Variants in ITGB5 observed in about 807,000 individuals in gnomAD.
ITGB5 encodes the protein integrin subunit beta 5, also known as integrin beta-5.
A neutral mutation model predicts 84.8 loss-of-function variants in ITGB5; 38 were observed. The ratio of observed to expected loss-of-function variants is 0.45; its 90% CI spans 0.35 to 0.59. The LOEUF is 0.59. Ranked by LOEUF, ITGB5 falls within the 20% of genes least tolerant of loss-of-function variation. ITGB5 has a pLI of 0.01. For synonymous variants in ITGB5, 393 were observed against 414.4 expected, an observed-to-expected ratio of 0.95 and a Z score of 0.63; for missense variants, 905 against 1,034.5, an observed-to-expected ratio of 0.87 and a Z score of 1.72.
upstream of ITGB5, among the ~76,000 whole-genome samples, chr3:124,891,449 A>T (rs1449516704): frequency 6.6e-6 from 1 of 151,942 alleles, no homozygotes; most frequent in Non-Finnish European, 1.5e-5. Context: ...GGAGGCTGGG[A>T]TGGGACGATT....
chr3:124,802,936 A>G (rs1477690922), intron 9 of ITGB5, among the ~76,000 whole-genome samples: 1 of 151,900 alleles, frequency 6.6e-6, no homozygotes, highest in African/African-American at 2.4e-5. Context: ...GACAGTGAGT[A>G]GAAACAAAGG....
rs527320319 is a variant in ITGB5, at chr3:124,822,922, G to A, written c.781-1448C>T. ...GAGGAGGAGGGAGAGGCTTCCCAGCGCAGACGAAACTTAAACTGAGCTGGA... is the reference window on the plus strand; with the variant it reads ...GAGGAGGAGGGAGAGGCTTCCCAGCACAGACGAAACTTAAACTGAGCTGGA... On this transcript the variant is annotated intron_variant, in intron 5 of 14. Coordinates refer to ENST00000296181, the MANE Select transcript of ITGB5 (RefSeq NM_002213.5). Among the ~76,000 whole-genome samples the A allele has an allele frequency of 5.3e-5, 8 of 152,194 alleles. No homozygotes were observed. In the South Asian group the frequency reaches 6.2e-4, roughly 12 times the overall value.
intron 5 of ITGB5, 113 bp downstream of exon 5, chr3:124,841,270 G>A (rs974448507): frequency 6.0e-6 from 6 of 992,392 alleles, no homozygotes; most frequent in Non-Finnish European, 8.9e-6. Context: ...CTTCAGAGTG[G>A]TCAGGAGCCA....
chr3:124,802,289 G>A (rs1443627793), intron 9 of ITGB5, among the ~76,000 whole-genome samples: 1 of 152,164 alleles, frequency 6.6e-6, no homozygotes, highest in Non-Finnish European at 1.5e-5. Context: ...TATGGCTTGG[G>A]GACACACGTC....
intron 13 of ITGB5, 81 bp from the exon 14 acceptor site, chr3:124,764,638 G>A: frequency 1.4e-6 from 2 of 1,427,362 alleles, no homozygotes; most frequent in Non-Finnish European, 9.6e-7. Flanking sequence ...TTTCTGAGAT[G>A]AAAGTTGCAC....
chr3:124,832,985 C>T (rs2064880501), intron 5 of ITGB5: 1 of 152,024 alleles, frequency 6.6e-6, no homozygotes, highest in Admixed American at 6.6e-5. Context: ...ATTGGTTTCC[C>T]GAATCATGTT....
chr3:124,821,500 C>A (rs778254442), intron 5 of ITGB5, 26 bp from the exon 6 acceptor site: 13 of 1,612,650 alleles, frequency 8.1e-6, no homozygotes, highest in South Asian at 1.1e-5. Flanking sequence ...TGGATGGGTA[C>A]ACCAGTCTTT....
upstream of ITGB5, among the ~76,000 whole-genome samples, chr3:124,892,321 G>A (rs1343963549): frequency 6.6e-6 from 1 of 151,796 alleles, no homozygotes; most frequent in Non-Finnish European, 1.5e-5. Context: ...AAAAGTTCAG[G>A]AAATAGATGG....
At chr3:124,795,598 T>C (rs1025459818) in intron 10 of ITGB5, among the ~76,000 whole-genome samples, 4 of 152,080 alleles carry the variant, frequency 2.6e-5, no homozygotes, top group Non-Finnish European at 4.4e-5. Context: ...TGAAAGGGAC[T>C]GTGCAGATGT....
At chr3:124,867,731 G>A (rs2065413992) in intron 2 of ITGB5, among the ~76,000 whole-genome samples, 3 of 152,178 alleles carry the variant, frequency 2.0e-5, no homozygotes, top group Middle Eastern at 3.2e-3. Flanking sequence ...GAAAGCATCC[G>A]CACACTCTCC....
intron 1 of ITGB5, among the ~76,000 whole-genome samples, chr3:124,898,852 G>A (rs1435513848): frequency 6.6e-6 from 1 of 150,950 alleles, no homozygotes; most frequent in Non-Finnish European, 1.5e-5. Context: ...GAGGCAGGCG[G>A]ATCACCTGAG....
chr3:124,870,063 C>T (rs922093582), intron 2 of ITGB5, among the ~76,000 whole-genome samples: 2 of 152,180 alleles, frequency 1.3e-5, no homozygotes, highest in Non-Finnish European at 2.9e-5. Flanking sequence ...CTTCATTTTA[C>T]ATATCAAGAA....
intron 2 of ITGB5, among the ~76,000 whole-genome samples, chr3:124,866,371 G>C (rs1280974860): frequency 6.6e-6 from 1 of 152,226 alleles, no homozygotes; most frequent in Non-Finnish European, 1.5e-5. Flanking sequence ...ATCACAGCCA[G>C]TGCATTCAGG....
chr3:124,784,881 A>G (rs1309054448), intron 10 of ITGB5, among the ~76,000 whole-genome samples: 2 of 152,224 alleles, frequency 1.3e-5, no homozygotes, highest in Non-Finnish European at 2.9e-5. Flanking sequence ...TTCAAACTGG[A>G]AACTGTCATG....
chr3:124,767,062 A>C (rs2063778013), intron 12 of ITGB5, among the ~76,000 whole-genome samples: 1 of 152,210 alleles, frequency 6.6e-6, no homozygotes, highest in Non-Finnish European at 1.5e-5. Flanking sequence ...CTGTCCAGGC[A>C]TTACCTACAT....
intron 10 of ITGB5, among the ~76,000 whole-genome samples, chr3:124,782,575 G>A (rs1242699321): frequency 2.6e-5 from 4 of 152,196 alleles, no homozygotes; most frequent in South Asian, 2.1e-4. Context: ...ATGTGGTTGT[G>A]GGCTGGGCAC....
intron 1 of ITGB5, among the ~76,000 whole-genome samples, chr3:124,880,819 C>T (rs1934531516): frequency 1.3e-5 from 2 of 151,798 alleles, no homozygotes; most frequent in South Asian, 2.1e-4. Flanking sequence ...ATCCCAGCTA[C>T]TTGGAAGGCT....
intron 10 of ITGB5, among the ~76,000 whole-genome samples, chr3:124,795,893 A>G (rs1323062790): frequency 2.0e-5 from 3 of 152,260 alleles, no homozygotes; most frequent in Non-Finnish European, 4.4e-5. Context: ...TTCTAGCCAA[A>G]TAAGATCCAT....
At chr3:124,772,959 G>A (rs1343635169) in intron 11 of ITGB5, among the ~76,000 whole-genome samples, 1 of 143,274 alleles carries the variant, frequency 7.0e-6, no homozygotes, top group African/African-American at 2.6e-5. Flanking sequence ...TGTTGCCCAG[G>A]CTGGGGTGCA....
Sources: gnomAD v4.1 joint callset for allele counts (sites outside exome capture counted in the v4.1 genomes callset) on GRCh38, gnomAD v4.1.1 for gene constraint, MANE v1.5 for transcripts, NCBI Gene and HGNC (gene_info 2026-07-23, HGNC 2026-07-21) for gene names.